The following MCC variants were observed in gnomAD, a reference collection of about 807,000 sequenced individuals.
The protein encoded by MCC is colorectal mutant cancer protein.
Under a neutral mutation model 116.2 loss-of-function variants are expected in MCC, and 90 were observed. The observed-to-expected ratio is 0.77, with a 90% confidence interval of 0.65 to 0.92. MCC has a LOEUF of 0.92. Ranked by LOEUF, MCC falls within the 40% of genes least tolerant of loss-of-function variation. MCC has a pLI of 0.00. For missense variants in MCC, 1,516 were observed against 1,312.2 expected, an observed-to-expected ratio of 1.16 and a Z score of -2.40; for synonymous variants, 578 against 510.5, an observed-to-expected ratio of 1.13 and a Z score of -1.78.
At chr5:113,055,346 G>C (rs944038902) in intron 14 of MCC, among the ~76,000 whole-genome samples, 1 of 152,188 alleles carries the variant, frequency 6.6e-6, no homozygotes, top group Non-Finnish European at 1.5e-5. Flanking sequence ...AAAAGGGTAA[G>C]AGCCAGGACC....
At chr5:113,149,832 G>C (rs1397511514) in intron 4 of MCC, among the ~76,000 whole-genome samples, 1 of 152,140 alleles carries the variant, frequency 6.6e-6, no homozygotes, top group Non-Finnish European at 1.5e-5. Flanking sequence ...TCATCCATAA[G>C]ATCTGAGTGG....
chr5:113,428,318 G>T (rs1167760210), intron 1 of MCC, among the ~76,000 whole-genome samples: 3 of 152,070 alleles, frequency 2.0e-5, no homozygotes, highest in Non-Finnish European at 4.4e-5. Context: ...CCCTGTAGTG[G>T]ATGCTGGGAT....
intron 2 of MCC, among the ~76,000 whole-genome samples, chr5:113,346,767 A>G (rs746692540): frequency 2.0e-5 from 3 of 152,188 alleles, no homozygotes; most frequent in Non-Finnish European, 2.9e-5. Flanking sequence ...GACTACCTCA[A>G]GGCATCTAAT....
chr5:113,325,957 G>A (rs1767539643), intron 3 of MCC, among the ~76,000 whole-genome samples: 1 of 152,196 alleles, frequency 6.6e-6, no homozygotes, highest in African/African-American at 2.4e-5. Context: ...ACTGTAAAAA[G>A]TAATCTGAGA....
intron 3 of MCC, among the ~76,000 whole-genome samples, chr5:113,297,872 C>T (rs903316480): frequency 6.0e-5 from 9 of 150,584 alleles, no homozygotes; most frequent in African/African-American, 2.2e-4. Flanking sequence ...AGATCTAGAA[C>T]TTGGCTGATT....
At chr5:113,462,342 G>T (rs891562905) in intron 1 of MCC, among the ~76,000 whole-genome samples, 1 of 152,168 alleles carries the variant, frequency 6.6e-6, no homozygotes, top group Non-Finnish European at 1.5e-5. Flanking sequence ...CGGGCTGCTT[G>T]TTTCATAGTT....
intron 3 of MCC, among the ~76,000 whole-genome samples, chr5:113,268,402 T>C (rs905041705): frequency 1.3e-5 from 2 of 152,192 alleles, no homozygotes; most frequent in Non-Finnish European, 2.9e-5. Context: ...AGAAAGGCCC[T>C]TAGGATGTAC....
intron 3 of MCC, among the ~76,000 whole-genome samples, chr5:113,305,457 A>G (rs955298022): frequency 1.3e-5 from 2 of 152,184 alleles, no homozygotes; most frequent in Non-Finnish European, 2.9e-5. Flanking sequence ...TCCACCAAAA[A>G]CCAACTTTAA....
chr5:113,329,282 G>A (rs1015704446), intron 3 of MCC, among the ~76,000 whole-genome samples: 3 of 152,122 alleles, frequency 2.0e-5, no homozygotes. Flanking sequence ...GGGTCCAGGT[G>A]TTCTTCCTCC....
intron 4 of MCC, among the ~76,000 whole-genome samples, chr5:113,145,509 C>T (rs1759440514): frequency 6.6e-6 from 1 of 152,182 alleles, no homozygotes; most frequent in Admixed American, 6.5e-5. Flanking sequence ...AGGCCACTAC[C>T]ACCACCTGGG....
At chr5:113,046,710 A>AAAAAAAAAAAAAAAAAAAAAAAAAAGAG in intron 16 of MCC, among the ~76,000 whole-genome samples, 3 of 102,410 alleles carry the variant, frequency 2.9e-5, no homozygotes, top group African/African-American at 8.0e-5. Context: ...AAAAAAAAAA[A>AAAAAAAAAAAAAAAAAAAAAAAAAAGAG]AGAGAGAGAT....
chr5:113,090,708 A>AGAACAGAGGCTTTCAGAGGT (rs1310244058), intron 8 of MCC, among the ~76,000 whole-genome samples: 1 of 152,256 alleles, frequency 6.6e-6, no homozygotes, highest in Non-Finnish European at 1.5e-5. Flanking sequence ...GACAAGAATG[A>AGAACAGAGGCTTTCAGAGGT]GAACAGAGGC....
At chr5:113,090,035 G>A (rs116797033) in intron 8 of MCC, among the ~76,000 whole-genome samples, 117 of 152,282 alleles carry the variant, frequency 7.7e-4, no homozygotes, top group African/African-American at 2.7e-3. Flanking sequence ...TAAGTCTGAA[G>A]GAAAGCAATT....
At chr5:113,076,906 A>G (rs1170897558) in intron 11 of MCC, among the ~76,000 whole-genome samples, 3 of 152,248 alleles carry the variant, frequency 2.0e-5, no homozygotes, top group Admixed American at 2.0e-4. Flanking sequence ...TGTATTCAAG[A>G]AACCCATCTC....
chr5:113,356,767 G>A (rs1037101740), intron 2 of MCC, among the ~76,000 whole-genome samples: 19 of 152,194 alleles, frequency 1.2e-4, no homozygotes, highest in Admixed American at 1.3e-4. Flanking sequence ...CTGTGAGAAT[G>A]AGACAAGCCA....
At chr5:113,340,848 A>G (rs1767993374) in intron 2 of MCC, 118 bp from the exon 3 acceptor site, 1 of 745,942 alleles carries the variant, frequency 1.3e-6, no homozygotes, top group Admixed American at 2.6e-5. Context: ...CTCAGAACAC[A>G]TGTGATGCCC....
intron 3 of MCC, among the ~76,000 whole-genome samples, chr5:113,229,424 G>A (rs1216332336): frequency 2.6e-5 from 4 of 152,304 alleles, no homozygotes; most frequent in Admixed American, 2.6e-4. Context: ...ACCTAGTACT[G>A]TGAAATATCA....
At chr5:113,480,398 T>C (rs148507093) in intron 1 of MCC, among the ~76,000 whole-genome samples, 2 of 152,376 alleles carry the variant, frequency 1.3e-5, no homozygotes, top group South Asian at 2.1e-4. Flanking sequence ...ACTTCTAAGA[T>C]GCACAGTTTA....
At chr5:113,122,082 T>A (rs183543941) in intron 6 of MCC, among the ~76,000 whole-genome samples, 17 of 152,384 alleles carry the variant, frequency 1.1e-4, no homozygotes, top group Admixed American at 1.0e-3. Flanking sequence ...TTAAAAATAC[T>A]TTTTCATGTA....
Sources: allele counts gnomAD v4.1 joint callset (sites outside exome capture counted in the v4.1 genomes callset), GRCh38; gene constraint gnomAD v4.1.1; transcripts MANE v1.5; gene names NCBI Gene and HGNC (gene_info 2026-07-23, HGNC 2026-07-21).